GAB2: variants seen among roughly 807,000 people sequenced by gnomAD.
GAB2 encodes GRB2 associated binding protein 2.
GAB2 carries 26 observed loss-of-function variants against 65.5 expected under a neutral mutation model. That is an observed-to-expected ratio of 0.40 (90% confidence interval 0.29 to 0.55). The LOEUF is 0.55. GAB2 is among the 20% of genes least tolerant of loss of function. The pLI is 0.53. For missense variants in GAB2, 884 were observed against 875.8 expected, an observed-to-expected ratio of 1.01 and a Z score of -0.12; for synonymous variants, 321 against 329.6, an observed-to-expected ratio of 0.97 and a Z score of 0.28.
chr11:78,389,774 T>C (rs556867554), intron 1 of GAB2, among the ~76,000 whole-genome samples: 2 of 152,312 alleles, frequency 1.3e-5, no homozygotes, highest in African/African-American at 4.8e-5. Context: ...TGAGACACCA[T>C]AAAGTTGAAG....
At chr11:78,373,643 G>A (rs538951351) in intron 1 of GAB2, among the ~76,000 whole-genome samples, 4 of 152,202 alleles carry the variant, frequency 2.6e-5, no homozygotes, top group Non-Finnish European at 5.9e-5. Context: ...CCCGGGACAA[G>A]GAAAACTTCC....
At chr11:78,417,543 G>T in intron 1 of GAB2, 103 bp downstream of exon 1, 1 of 302,962 alleles carries the variant, frequency 3.3e-6, no homozygotes, top group Middle Eastern at 1.6e-3. Context: ...CCGCGGCTCC[G>T]GGCCCGAGCT....
chr11:78,267,238 CA>C (rs1865895272), intron 2 of GAB2, among the ~76,000 whole-genome samples: 1 of 152,192 alleles, frequency 6.6e-6, no homozygotes, highest in Non-Finnish European at 1.5e-5. Context: ...GGGCTAGGAA[CA>C]AAAGATCCTA....
intron 1 of GAB2, among the ~76,000 whole-genome samples, chr11:78,292,025 T>TGA (rs1447743919): frequency 2.2e-4 from 31 of 139,808 alleles, no homozygotes; most frequent in African/African-American, 7.6e-4. Context: ...TGTGTGTGTG[T>TGA]GTGTGAGAGA....
chr11:78,242,506 C>T (rs2373010), intron 3 of GAB2, among the ~76,000 whole-genome samples: 14 of 132,470 alleles, frequency 1.1e-4, no homozygotes, highest in Non-Finnish European at 2.1e-4. Flanking sequence ...CGTCTCAAAA[C>T]AAAAAAAAAA....
chr11:78,395,593 C>A (rs549693445), intron 1 of GAB2, among the ~76,000 whole-genome samples: 12 of 152,276 alleles, frequency 7.9e-5, no homozygotes, highest in Non-Finnish European at 1.5e-4. Flanking sequence ...CCCAGTGTGA[C>A]CAGGAGGTTG....
At chr11:78,383,581 CAAAAA>C (rs534814220) in intron 1 of GAB2, among the ~76,000 whole-genome samples, 1 of 55,582 alleles carries the variant, frequency 1.8e-5, no homozygotes, top group Non-Finnish European at 3.7e-5. Context: ...CCTGTCTCTC[CAAAAA>C]AAAAAAAAAA....
chr11:78,369,054 C>G (rs1349002242), intron 1 of GAB2, among the ~76,000 whole-genome samples: 9 of 151,366 alleles, frequency 5.9e-5, no homozygotes, highest in African/African-American at 2.2e-4. Context: ...GGGAGGATCA[C>G]TTGAGCCCAG....
intron 1 of GAB2, among the ~76,000 whole-genome samples, chr11:78,331,080 C>T (rs1485271865): frequency 1.3e-5 from 2 of 151,838 alleles, no homozygotes; most frequent in African/African-American, 4.8e-5. Context: ...GAGGCTGAGG[C>T]GGGACAATTG....
intron 1 of GAB2, among the ~76,000 whole-genome samples, chr11:78,304,776 C>A (rs1855317336): frequency 6.6e-6 from 1 of 152,132 alleles, no homozygotes; most frequent in South Asian, 2.1e-4. Flanking sequence ...TCCTACAGTG[C>A]CAAGTCTAAA....
At chr11:78,227,811 C>T (rs543457151) in intron 3 of GAB2, among the ~76,000 whole-genome samples, 21 of 151,950 alleles carry the variant, frequency 1.4e-4, no homozygotes, top group Non-Finnish European at 2.5e-4. Flanking sequence ...AAAAAACACA[C>T]GCCCCAACAC....
intron 1 of GAB2, among the ~76,000 whole-genome samples, chr11:78,399,171 A>G (rs1591088038): frequency 6.6e-6 from 1 of 152,374 alleles, no homozygotes; most frequent in South Asian, 2.1e-4. Context: ...TTCTGAAATT[A>G]CCTTGATGAT....
chr11:78,276,204 G>A (rs761208041), intron 2 of GAB2, among the ~76,000 whole-genome samples: 13 of 152,066 alleles, frequency 8.5e-5, no homozygotes, highest in Non-Finnish European at 1.3e-4. Flanking sequence ...GGAGGCTGAG[G>A]TGGGAACGCT....
intron 2 of GAB2, among the ~76,000 whole-genome samples, chr11:78,269,593 C>T (rs1865959123): frequency 6.6e-6 from 1 of 152,232 alleles, no homozygotes; most frequent in South Asian, 2.1e-4. Context: ...TAACATTCCT[C>T]ACTGGATGCT....
At chr11:78,317,818 CT>C (rs1376760917) in intron 1 of GAB2, among the ~76,000 whole-genome samples, 1 of 152,052 alleles carries the variant, frequency 6.6e-6, no homozygotes, top group African/African-American at 2.4e-5. Flanking sequence ...AGGGTGAATT[CT>C]TTTCTTTTCT....
chr11:78,346,667 TCCCC>T (rs1458051906), intron 1 of GAB2, among the ~76,000 whole-genome samples: 9 of 110,430 alleles, frequency 8.1e-5, no homozygotes, highest in Non-Finnish European at 1.6e-4. Flanking sequence ...TCTGTTTACA[TCCCC>T]TCCATATATA....
At chr11:78,415,282 C>G (rs1239527422) in intron 1 of GAB2, among the ~76,000 whole-genome samples, 2 of 152,216 alleles carry the variant, frequency 1.3e-5, no homozygotes, top group African/African-American at 4.8e-5. Flanking sequence ...GAGGATTTCT[C>G]AATCTACAAT....
chr11:78,279,699 TAAAA>T (rs1565139491), intron 2 of GAB2, among the ~76,000 whole-genome samples: 4 of 152,164 alleles, frequency 2.6e-5, no homozygotes, highest in Non-Finnish European at 5.9e-5. Flanking sequence ...AACGGAATCA[TAAAA>T]AGATGGTCCT....
At chr11:78,288,472 G>A (rs1001075745) in intron 1 of GAB2, among the ~76,000 whole-genome samples, 3 of 151,362 alleles carry the variant, frequency 2.0e-5, no homozygotes, top group East Asian at 3.9e-4. Context: ...CTCTCAGGAC[G>A]AATAAGTGAG....
Sources: gnomAD v4.1 joint callset for allele counts (sites outside exome capture counted in the v4.1 genomes callset) on GRCh38, gnomAD v4.1.1 for gene constraint, MANE v1.5 for transcripts, NCBI Gene and HGNC (gene_info 2026-07-23, HGNC 2026-07-21) for gene names.